Variants in ARHGEF19 observed in about 807,000 individuals in gnomAD.
ARHGEF19 encodes the protein Rho guanine nucleotide exchange factor (GEF) 19.
In ARHGEF19, 92 loss-of-function variants were observed where a neutral mutation model predicts 87.6. That is an observed-to-expected ratio of 1.05 (90% CI 0.89 to 1.25). The LOEUF (loss-of-function observed/expected upper bound fraction) is 1.25, where lower values mean the gene tolerates loss of function less well. Among genes scored for constraint, ARHGEF19 ranks in the 50% most tolerant of loss-of-function variants. ARHGEF19 has a pLI of 0.00. For synonymous variants in ARHGEF19, 438 were observed against 446.2 expected, an observed-to-expected ratio of 0.98 and a Z score of 0.23; for missense variants, 1,054 against 1,051.8, an observed-to-expected ratio of 1.00 and a Z score of -0.03.
In ARHGEF19 at chr1:16,202,329, CCATGGGGACGGGGTGCCCAT is replaced by C. The variant is rs1379112283; in HGVS notation, c.2066+67_2066+86del. On this transcript the variant is annotated intron_variant, in intron 13 of 15. Transcript: ENST00000270747. The stretch of plus-strand genomic sequence containing the variant: ...GGCCAGGATGTCCCAGGGGTGCCCG[CCATGGGGACGGGGTGCCCAT>C]CATGGGGACGGGGTGCCTGTCATGG... 7.4e-3 allele frequency: 6,048 copies of C among 819,516 alleles called. 24 individuals are homozygous for C. Among genetic ancestry groups the C allele is most frequent in the South Asian group, 0.01 (287 of 28,292 alleles). 50.8% of individuals were successfully genotyped at this position (819,516 alleles called of 1,614,324 possible). A position where few individuals can be genotyped will look rare whatever the true frequency, so the allele number is the denominator to read the frequency against.
Position 16,207,105 on chromosome 1 carries a change from CCCT to C in ARHGEF19, c.977_979del (p.Glu326del). ...GAGGTTGGCCCGCGGCGGCCCCGGC[CCCT>C]CCTCTGCGCCCTCGGCCTCGTCCCC... is the stretch of plus-strand genomic sequence containing the variant. On this transcript the variant is annotated inframe_deletion, in exon 6 of 16. Coordinates refer to ENST00000270747, the MANE Select transcript of ARHGEF19 (RefSeq NM_153213.5). The surrounding 1 kb of genome is among the most constrained non-coding windows in gnomAD (Gnocchi z 4.0). 1 of 1,512,576 alleles carries C rather than the reference CCCT, an allele frequency of 6.6e-7. No individual in the cohort carries two copies. Among genetic ancestry groups the C allele is most frequent in the Non-Finnish European group, 8.8e-7 (1 of 1,134,504 alleles). 93.7% of individuals were successfully genotyped at this position (1,512,576 alleles called of 1,614,324 possible).
Position 16,207,954 on chromosome 1 carries a change from T to C in ARHGEF19, c.684A>G (p.Ala228=), listed in dbSNP as rs1258605179. The C allele has an allele frequency of 1.9e-6, 3 of 1,559,934 alleles. No homozygotes were observed. The highest frequency in any genetic ancestry group is 1.7e-5 in the Admixed American group (1 of 58,072). ...GGGAGGAGCTGGTACCTTCCCGGGC[T>C]GCTCCGGTGCCTGACCCAGAGATGA... ...RALISGSGTG[A]AREGKASGME... Residue 228 remains alanine, a synonymous_variant, in exon 3 of 16, where the codon GCA becomes GCG. Transcript: ENST00000270747. The surrounding 1 kb of genome is among the most constrained non-coding windows in gnomAD (Gnocchi z 4.0).
At position 16,205,828 on chromosome 1, in the gene ARHGEF19, C is replaced by T. The variant is rs2081126467; in HGVS notation, c.1451+103G>A. 1 of 1,496,420 alleles carries T rather than the reference C, an allele frequency of 6.7e-7. No individual in the cohort carries two copies. The allele number at this position is 1,496,420 out of a possible 1,614,324, so 92.7% of individuals were successfully genotyped here. ...CTGGTCACAGAGACCTTTTCAGGGA[C>T]CCCTCCCCTCCCAGAGTCACCTTAC... On this transcript the variant is annotated intron_variant, in intron 8 of 15. Transcript: ENST00000270747. The surrounding 1 kb of genome is among the most constrained non-coding windows in gnomAD (Gnocchi z 5.8).
At position 16,208,986 on chromosome 1, in the gene ARHGEF19, A is replaced by C. The variant is rs2081173197; in HGVS notation, c.69T>G (p.Pro23=). ...GACTCTCCTGCTGGCACACTGCTAC[A>C]GGGTGGTGGGCAGTGCCAGGTGGCC... is the stretch of plus-strand genomic sequence containing the variant. The part of the protein sequence containing the change: ...LTGPPGTAHH[P]VAVCQQESLS... Residue 23 remains proline (P), a synonymous_variant, in exon 2 of 16, where the codon CCT becomes CCG. Transcript: ENST00000270747. 1 of 1,536,514 alleles carries C rather than the reference A, an allele frequency of 6.5e-7. No individual in the cohort carries two copies. The highest frequency in any genetic ancestry group is 8.7e-7 in the Non-Finnish European group (1 of 1,143,154).
rs2081111855 is a variant in ARHGEF19, at chr1:16,204,841, G to T, written c.1825C>A (p.Pro609Thr). Residue 609 changes from proline to threonine, a missense_variant, in exon 12 of 16, where the codon CCC becomes ACC. By Grantham distance (38) the Pro-to-Thr change is conservative (BLOSUM62 -1). Transcript: ENST00000270747. ...CTGGACAGCTTCAGCTTGGCAGGGG[G>T]TGCTGCAGGCAGTGGTGCCAGCTCT... ...LVELAPLPAAPPAKLKLSSKA... is the reference protein window; with the variant it reads ...LVELAPLPAATPAKLKLSSKA... The T allele has an allele frequency of 2.5e-6, 4 of 1,607,812 alleles. No homozygotes were observed. Among genetic ancestry groups the T allele is most frequent in the Non-Finnish European group, 3.4e-6 (4 of 1,177,158 alleles).
Position 16,206,392 on chromosome 1 carries a change from G to T in ARHGEF19, c.1138-52C>A. On this transcript the variant is annotated intron_variant, in intron 6 of 15. Transcript: ENST00000270747. This position sits in a 1 kb window ranked among gnomAD's most constrained non-coding sequence, Gnocchi z 4.6. ...AAGGGCAGGACCAGTTCACCTCGGA[G>T]GCCCTGGCCTCACATCCCCAGACCC... 1 of 1,550,752 alleles carries T rather than the reference G, an allele frequency of 6.4e-7. No individual in the cohort carries two copies. Among genetic ancestry groups the T allele is most frequent in the Non-Finnish European group, 8.7e-7 (1 of 1,145,054 alleles).
At chr1:16,199,119 T>C in intron 15 of ARHGEF19, 31 bp downstream of exon 15, 3 of 1,609,618 alleles carry the variant, frequency 1.9e-6, no homozygotes, top group Non-Finnish European at 2.6e-6. Context: ...CCAAGCCCCA[T>C]CAGGGACACT....
intron 14 of ARHGEF19, among the ~76,000 whole-genome samples, chr1:16,199,551 C>T (rs2100260137): frequency 6.6e-6 from 1 of 152,206 alleles, no homozygotes; most frequent in East Asian, 1.9e-4. Context: ...CAAGCCAACA[C>T]CTTGCTTGTG....
chr1:16,204,465 G>A (rs1346667907), intron 12 of ARHGEF19, among the ~76,000 whole-genome samples: 6 of 152,236 alleles, frequency 3.9e-5, no homozygotes, highest in Non-Finnish European at 8.8e-5. Context: ...ACTCAGGGCA[G>A]AGTTGGGACT....
chr1:16,201,849 C>A lies in ARHGEF19; in HGVS notation c.2079G>T (p.Gln693His). 6.2e-7 allele frequency: 1 copy of A among 1,613,856 alleles called. No individual in the cohort carries two copies. The highest frequency in any genetic ancestry group is 8.5e-7 in the Non-Finnish European group (1 of 1,179,876). ...AGGGGCACAAGGCTGAGATCCATCG[C>A]TGCTTCTCACTTCTAGGGAAGGGGG... ...LLRARTESEK[Q>H]RWISALCPSS... The change falls in exon 14 of 16, where the codon CAG becomes CAT. Residue 693 changes from glutamine (Q) to histidine (H), a missense_variant. Transcript: ENST00000270747.
chr1:16,205,070 T>C lies in ARHGEF19; in HGVS notation c.1746+17A>G. The C allele has an allele frequency of 3.8e-6, 6 of 1,591,646 alleles. No individual in the cohort carries two copies. Among genetic ancestry groups the C allele is most frequent in the Non-Finnish European group, 5.1e-6 (6 of 1,169,096 alleles). ...CTGCCCCTTGGGGTCCCCATCCCGC[T>C]GGCTGCAGACACACACCTTGCCCTC... is the stretch of plus-strand genomic sequence containing the variant. On this transcript the variant is annotated intron_variant, in intron 11 of 15. Transcript: ENST00000270747. The surrounding 1 kb of genome is among the most constrained non-coding windows in gnomAD (Gnocchi z 5.8).
rs1437645396 is a variant in ARHGEF19 at position 16,206,341 on chromosome 1, C to A, written c.1138-1G>T. On this transcript the variant is annotated splice_acceptor_variant, in intron 6 of 15. Transcript: ENST00000270747. LOFTEE classifies it high-confidence loss of function. The surrounding 1 kb of genome is among the most constrained non-coding windows in gnomAD (Gnocchi z 4.6). ...CGGAGGTGATCAGCTCAAACTTGGC[C>A]TGAGGGAGGGCACACACGGGGTCGA... 6.3e-7 allele frequency: 1 copy of A among 1,576,054 alleles called. No individual in the cohort carries two copies. Among genetic ancestry groups the A allele is most frequent in the African/African-American group, 1.3e-5 (1 of 74,652 alleles).
chr1:16,205,310 G>A lies in ARHGEF19; in HGVS notation c.1656+41C>T, dbSNP rs866423989. 3.1e-6 allele frequency: 5 copies of A among 1,612,934 alleles called. No individual in the cohort carries two copies. Among genetic ancestry groups the A allele is most frequent in the Middle Eastern group, 1.7e-4 (1 of 6,030 alleles). The stretch of plus-strand genomic sequence containing the variant: ...TAGAGACGTGCTGGGGGTCCAGGGG[G>A]GGCCTCAGGAGCCAAGCAGCCCCTG... On this transcript the variant is annotated intron_variant, in intron 10 of 15. Coordinates refer to ENST00000270747, the MANE Select transcript of ARHGEF19 (RefSeq NM_153213.5). The surrounding 1 kb of genome is among the most constrained non-coding windows in gnomAD (Gnocchi z 5.8).
At position 16,205,332 on chromosome 1, in the gene ARHGEF19, C is replaced by T; in HGVS notation, c.1656+19G>A. The T allele has an allele frequency of 6.2e-7, 1 of 1,613,876 alleles. No individual in the cohort carries two copies. Among genetic ancestry groups the T allele is most frequent in the Non-Finnish European group, 8.5e-7 (1 of 1,179,864 alleles). On this transcript the variant is annotated intron_variant, in intron 10 of 15. Coordinates refer to ENST00000270747, the MANE Select transcript of ARHGEF19 (RefSeq NM_153213.5). This position sits in a 1 kb window ranked among gnomAD's most constrained non-coding sequence, Gnocchi z 5.8. ...GGGGGGCCTCAGGAGCCAAGCAGCCCCTGCCCTGCCCAGCTCACCTCCTTG... is the reference window on the plus strand; with the variant it reads ...GGGGGGCCTCAGGAGCCAAGCAGCCTCTGCCCTGCCCAGCTCACCTCCTTG...
In ARHGEF19 at chr1:16,207,898, CA is replaced by C; in HGVS notation, c.694+45del. On this transcript the variant is annotated intron_variant, in intron 3 of 15. Transcript: ENST00000270747. The surrounding 1 kb of genome is among the most constrained non-coding windows in gnomAD (Gnocchi z 4.0). ...AGTGGGCATCGCCCACCCCCACCCC[CA>C]CCCGGCATCTGGCTGCCCTCAGGGC... The C allele has an allele frequency of 6.4e-7, 1 of 1,562,136 alleles. No individual in the cohort carries two copies. Among genetic ancestry groups the C allele is most frequent in the Non-Finnish European group, 8.7e-7 (1 of 1,149,014 alleles).
intron 12 of ARHGEF19, 91 bp from the exon 13 acceptor site, chr1:16,202,665 G>T: frequency 2.0e-6 from 3 of 1,505,740 alleles, no homozygotes; most frequent in Non-Finnish European, 2.7e-6. Context: ...ACTGGAAGTG[G>T]GGAGAAGGGG....
At position 16,208,926 on chromosome 1, in the gene ARHGEF19, C is replaced by T. The variant is rs563681063; in HGVS notation, c.129G>A (p.Pro43=). The T allele has an allele frequency of 2.5e-5, 40 of 1,585,860 alleles. No homozygotes were observed. The highest frequency in any genetic ancestry group is 1.4e-4 in the South Asian group (12 of 88,542). ...GGAAAAGGTCCAGACACACTGGGCTCGGGGGCTTCAGGGCGGGCAGCTCTG... is the reference window on the plus strand; with the variant it reads ...GGAAAAGGTCCAGACACACTGGGCTTGGGGGCTTCAGGGCGGGCAGCTCTG... ...SFAELPALKP[P]SPVCLDLFPV... Residue 43 remains proline (P), a synonymous_variant, in exon 2 of 16, where the codon CCG becomes CCA. Coordinates refer to ENST00000270747, the MANE Select transcript of ARHGEF19 (RefSeq NM_153213.5).
chr1:16,211,024 G>A (rs2081192270), intron 1 of ARHGEF19, among the ~76,000 whole-genome samples: 1 of 152,102 alleles, frequency 6.6e-6, no homozygotes, highest in African/African-American at 2.4e-5. Flanking sequence ...TGCTCCAAAG[G>A]GGTCCTCTCT....
At position 16,207,283 on chromosome 1, in the gene ARHGEF19, A is replaced by G; in HGVS notation, c.875-73T>C. 6.9e-7 allele frequency: 1 copy of G among 1,452,330 alleles called. No homozygotes were observed. Among genetic ancestry groups the G allele is most frequent in the Non-Finnish European group, 9.0e-7 (1 of 1,107,432 alleles). The allele number at this position is 1,452,330 out of a possible 1,614,324, so 90.0% of individuals were successfully genotyped here. A position where few individuals can be genotyped will look rare whatever the true frequency, so the allele number is the denominator to read the frequency against. On this transcript the variant is annotated intron_variant, in intron 5 of 15. Transcript: ENST00000270747. The surrounding 1 kb of genome is among the most constrained non-coding windows in gnomAD (Gnocchi z 4.0). ...TGCCCGGCTTTTCCTCGGTTCCCTC[A>G]AGAGCCCGCGTCACTTAACCTTTGC...
Sources: gnomAD v4.1 joint callset for allele counts (sites outside exome capture counted in the v4.1 genomes callset) on GRCh38, gnomAD v4.1.1 for gene constraint, Gnocchi (gnomAD v3.1) non-coding constraint, MANE v1.5 for transcripts, NCBI Gene and HGNC (gene_info 2026-07-23, HGNC 2026-07-21) for gene names.